The following XPO7 variants were observed in gnomAD, a reference collection of about 807,000 sequenced individuals.
XPO7 encodes exportin-7.
Under a neutral mutation model 144.3 loss-of-function variants are expected in XPO7, and 21 were observed. That is an observed-to-expected ratio of 0.15 (90% CI 0.10 to 0.21). The LOEUF (loss-of-function observed/expected upper bound fraction) is 0.21, where lower values mean the gene tolerates loss of function less well. XPO7 is among the 10% of genes least tolerant of loss of function. XPO7 has a pLI of 1.00. For missense variants in XPO7, 808 were observed against 1,325.8 expected, an observed-to-expected ratio of 0.61 and a Z score of 6.06; for synonymous variants, 580 against 499.6, an observed-to-expected ratio of 1.16 and a Z score of -2.15.
intron 15 of XPO7, 108 bp downstream of exon 15, chr8:21,987,965 G>C: frequency 8.4e-7 from 1 of 1,192,478 alleles, no homozygotes; most frequent in Non-Finnish European, 1.2e-6. Context: ...AGCATTGATC[G>C]TTTGCGTCAG....
chr8:21,998,953 G>T, intron 22 of XPO7, 116 bp downstream of exon 22: 1 of 1,449,204 alleles, frequency 6.9e-7, no homozygotes, highest in South Asian at 1.2e-5. Context: ...CATTCGTATT[G>T]TATGCTAATA....
intron 21 of XPO7, among the ~76,000 whole-genome samples, chr8:21,996,398 G>C (rs1241981502): frequency 1.3e-5 from 2 of 152,168 alleles, no homozygotes; most frequent in Admixed American, 1.3e-4. Context: ...CTGGGTGACA[G>C]AGCAAGACCC....
chr8:21,920,150 C>T (rs1329091259), intron 1 of XPO7, among the ~76,000 whole-genome samples: 2 of 148,052 alleles, frequency 1.4e-5, no homozygotes, highest in Non-Finnish European at 3.0e-5. Flanking sequence ...CGAGGGGGAC[C>T]CCCTTGCTGA....
chr8:21,934,495 T>A (rs1482401416), intron 1 of XPO7, among the ~76,000 whole-genome samples: 1 of 151,568 alleles, frequency 6.6e-6, no homozygotes, highest in Non-Finnish European at 1.5e-5. Context: ...ATTGCGCCAC[T>A]GCACTCCAGC....
chr8:21,971,723 A>G (rs943304702), intron 4 of XPO7, among the ~76,000 whole-genome samples, 153 bp from the exon 5 acceptor site: 1 of 152,226 alleles, frequency 6.6e-6, no homozygotes, highest in African/African-American at 2.4e-5. Context: ...AAGTCCAGCA[A>G]AACAACAGTT....
intron 27 of XPO7, 29 bp downstream of exon 27, chr8:22,004,059 C>G (rs764297705): frequency 6.2e-7 from 1 of 1,611,018 alleles, no homozygotes; most frequent in South Asian, 1.1e-5. Context: ...GCCTAGAAAT[C>G]TCAGACAATT....
intron 12 of XPO7, among the ~76,000 whole-genome samples, chr8:21,985,362 C>T (rs1028830859): frequency 1.3e-5 from 2 of 152,186 alleles, no homozygotes; most frequent in African/African-American, 2.4e-5. Context: ...TAAGGAAATA[C>T]TACACTAAAA....
At chr8:21,965,037 C>T (rs1222503303) in intron 1 of XPO7, among the ~76,000 whole-genome samples, 1 of 152,198 alleles carries the variant, frequency 6.6e-6, no homozygotes, top group Non-Finnish European at 1.5e-5. Flanking sequence ...GCTGCTGCTG[C>T]TCCCCAATAC....
At position 21,922,151 on chromosome 8, in the gene XPO7, C is replaced by T. The variant is rs569286085; in HGVS notation, c.18+2363C>T. On this transcript the variant is annotated intron_variant, in intron 1 of 27. Transcript: ENST00000252512. ...CATTTGTTGAACTAAATAGTCGAGT[C>T]ATTATGTTATCTAGTGCTTTTCTGA... is the stretch of plus-strand genomic sequence containing the variant. Among the ~76,000 whole-genome samples the T allele has an allele frequency of 1.2e-4, 19 of 152,198 alleles. No individual in the cohort carries two copies. In the East Asian group the frequency reaches 3.5e-3, roughly 28 times the overall value.
At chr8:21,953,447 G>C (rs1016750182) in intron 1 of XPO7, among the ~76,000 whole-genome samples, 1 of 152,200 alleles carries the variant, frequency 6.6e-6, no homozygotes, top group African/African-American at 2.4e-5. Flanking sequence ...TTGTAGCCAA[G>C]TTTTGGTAAT....
chr8:21,975,686 C>T (rs901560483), intron 6 of XPO7, among the ~76,000 whole-genome samples: 4 of 152,146 alleles, frequency 2.6e-5, no homozygotes, highest in African/African-American at 7.2e-5. Context: ...GCTGTTGCAC[C>T]CGCTGGAGGG....
intron 16 of XPO7, among the ~76,000 whole-genome samples, chr8:21,989,794 C>A (rs1812698789): frequency 1.2e-5 from 1 of 84,966 alleles, no homozygotes; most frequent in Non-Finnish European, 2.6e-5. Flanking sequence ...TATTTTCTTA[C>A]AAATAGGAGT....
chr8:21,995,149 C>T lies in XPO7; in HGVS notation c.2238-343C>T, dbSNP rs536875391. 1.4e-4 allele frequency among the ~76,000 whole-genome samples: 21 copies of T among 152,160 alleles called. No individual in the cohort carries two copies. The East Asian group carries it at 4.1e-3, about 29-fold the overall frequency. ...CTTCATACCCTTGTGAAGATTATTT[C>T]AAATCCAGGTGCCTCTTTAATAGTT... On this transcript the variant is annotated intron_variant, in intron 20 of 27. Coordinates refer to ENST00000252512, the MANE Select transcript of XPO7 (RefSeq NM_015024.5).
At chr8:21,929,155 T>C (rs1424626008) in intron 1 of XPO7, among the ~76,000 whole-genome samples, 1 of 152,230 alleles carries the variant, frequency 6.6e-6, no homozygotes, top group African/African-American at 2.4e-5. Context: ...AGCTACCATA[T>C]TGCATAGTGC....
At chr8:21,977,880 TC>T in intron 8 of XPO7, 37 bp downstream of exon 8, 1 of 1,561,052 alleles carries the variant, frequency 6.4e-7, no homozygotes, top group Non-Finnish European at 8.8e-7. Flanking sequence ...GCAAACCTAT[TC>T]ATAGAAGATA....
chr8:21,935,259 G>T (rs1294436532), intron 1 of XPO7, among the ~76,000 whole-genome samples: 1 of 152,204 alleles, frequency 6.6e-6, no homozygotes, highest in African/African-American at 2.4e-5. Flanking sequence ...GTTTGTGGCA[G>T]GAAGTTTCCA....
chr8:21,940,890 A>G (rs1266105421), intron 1 of XPO7, among the ~76,000 whole-genome samples: 1 of 152,152 alleles, frequency 6.6e-6, no homozygotes, highest in Middle Eastern at 3.2e-3. Flanking sequence ...TGTAGTTTTC[A>G]GGAAATACCC....
intron 11 of XPO7, 36 bp downstream of exon 11, chr8:21,982,848 T>C (rs760759903): frequency 4.5e-6 from 7 of 1,557,272 alleles, no homozygotes; most frequent in Non-Finnish European, 6.1e-6. Flanking sequence ...CCCGCACCAG[T>C]GGCCTGTTGT....
intron 1 of XPO7, among the ~76,000 whole-genome samples, chr8:21,933,443 T>C (rs999343934): frequency 1.3e-5 from 2 of 152,204 alleles, no homozygotes; most frequent in African/African-American, 4.8e-5. Context: ...GTTACTGTTA[T>C]TTAATAGATA....
Sources: allele counts gnomAD v4.1 joint callset (sites outside exome capture counted in the v4.1 genomes callset), GRCh38; gene constraint gnomAD v4.1.1; transcripts MANE v1.5; gene names NCBI Gene and HGNC (gene_info 2026-07-23, HGNC 2026-07-21).